Variants in PRR16 observed in about 807,000 individuals in gnomAD.
PRR16 encodes the protein protein Largen.
In PRR16, 6 loss-of-function variants were observed where a neutral mutation model predicts 18.2. That is an observed-to-expected ratio of 0.33 (90% CI 0.18 to 0.65). The LOEUF (loss-of-function observed/expected upper bound fraction) is 0.65. Ranked by LOEUF, PRR16 falls within the 30% of genes least tolerant of loss-of-function variation. The pLI, the probability that PRR16 is intolerant of heterozygous loss-of-function variation, is 0.74. For missense variants in PRR16, 412 were observed against 376.6 expected (o/e 1.09, Z -0.78); for synonymous variants, 151 against 147.8 (o/e 1.02, Z -0.16).
At chr5:120,621,630 C>A (rs1346600388) in intron 1 of PRR16, among the ~76,000 whole-genome samples, 1 of 152,092 alleles carries the variant, frequency 6.6e-6, no homozygotes, top group East Asian at 1.9e-4. Flanking sequence ...ATTATGGGGG[C>A]AGTTTCCCCA....
chr5:120,719,013 A>G, the PRR16 span, among the ~76,000 whole-genome samples: 2 of 152,050 alleles, frequency 1.3e-5, no homozygotes, highest in Non-Finnish European at 2.9e-5. Context: ...TAGAGGACAG[A>G]TATTATTTCT....
At chr5:120,657,364 T>A (rs1488533556) in intron 1 of PRR16, among the ~76,000 whole-genome samples, 2 of 151,912 alleles carry the variant, frequency 1.3e-5, no homozygotes, top group African/African-American at 4.8e-5. Flanking sequence ...AGCCAGCTCA[T>A]AGGGGGCTTG....
At chr5:120,499,171 G>T (rs912773734) in intron 1 of PRR16, among the ~76,000 whole-genome samples, 1 of 150,716 alleles carries the variant, frequency 6.6e-6, no homozygotes, top group African/African-American at 2.4e-5. Context: ...GTGCAATGGC[G>T]TGATCTCGGC....
At chr5:120,661,297 T>C (rs1403860546) in intron 1 of PRR16, among the ~76,000 whole-genome samples, 1 of 152,120 alleles carries the variant, frequency 6.6e-6, no homozygotes, top group African/African-American at 2.4e-5. Flanking sequence ...TCTCCTGTCT[T>C]TTGATGTTGC....
chr5:120,756,757 C>A, the PRR16 span, among the ~76,000 whole-genome samples: 1 of 151,890 alleles, frequency 6.6e-6, no homozygotes, highest in African/African-American at 2.4e-5. Flanking sequence ...GTGTTGACTG[C>A]ATTGATAGTT....
chr5:120,773,638 G>GTT, the PRR16 span, among the ~76,000 whole-genome samples: 6,703 of 151,602 alleles, frequency 0.044, 505 homozygotes, highest in African/African-American at 0.15. Flanking sequence ...TTCTATTTTT[G>GTT]TTTTTTTTGA....
At chr5:120,647,307 T>C (rs993662870) in intron 1 of PRR16, among the ~76,000 whole-genome samples, 1 of 151,956 alleles carries the variant, frequency 6.6e-6, no homozygotes, top group Non-Finnish European at 1.5e-5. Context: ...GGTATTATGA[T>C]GTCTTCCAAT....
At chr5:120,567,568 G>A (rs9327150) in intron 1 of PRR16, among the ~76,000 whole-genome samples, 32,103 of 152,052 alleles carry the variant, frequency 0.21, 3,547 homozygotes, top group Non-Finnish European at 0.21. Context: ...GTGATCTTCA[G>A]TGTTGGAGGA....
Position 120,646,039 on chromosome 5 carries a change from A to T in PRR16, c.160-39915A>T, listed in dbSNP as rs533526846. 6.4e-4 allele frequency among the ~76,000 whole-genome samples: 38 copies of T among 59,200 alleles called. No homozygotes were observed. The Admixed American group carries it at 7.0e-3, about 11-fold the overall frequency. The allele number at this position is 59,200 out of a possible 152,430, so 38.8% of individuals were successfully genotyped here. On this transcript the variant is annotated intron_variant, in intron 1 of 1. Transcript: ENST00000407149. ...AGATAAGCTCAAATTACAAAAAAAA[A>T]TACATATTTTATATATATATATATA... is the stretch of plus-strand genomic sequence containing the variant.
chr5:120,585,273 C>T (rs1753402004), intron 1 of PRR16, among the ~76,000 whole-genome samples: 1 of 152,040 alleles, frequency 6.6e-6, no homozygotes, highest in South Asian at 2.1e-4. Context: ...GAAAACTGAG[C>T]TGATTTGAAG....
intron 1 of PRR16, among the ~76,000 whole-genome samples, chr5:120,503,752 T>C (rs1472013226): frequency 6.6e-6 from 1 of 151,300 alleles, no homozygotes; most frequent in African/African-American, 2.4e-5. Flanking sequence ...ACTCGTCATT[T>C]AGCATTAGGT....
intron 1 of PRR16, among the ~76,000 whole-genome samples, chr5:120,488,032 C>T (rs1321405680): frequency 6.6e-6 from 1 of 152,162 alleles, no homozygotes; most frequent in Non-Finnish European, 1.5e-5. Context: ...TTTTCATGTG[C>T]TACTGTATTT....
intron 1 of PRR16, among the ~76,000 whole-genome samples, chr5:120,487,213 A>T (rs2112819672): frequency 6.6e-6 from 1 of 152,302 alleles, no homozygotes; most frequent in African/African-American, 2.4e-5. Context: ...TAGGGATGGC[A>T]TTGAATCTAT....
At chr5:120,572,332 T>C (rs1239489835) in intron 1 of PRR16, among the ~76,000 whole-genome samples, 2 of 152,188 alleles carry the variant, frequency 1.3e-5, no homozygotes, top group Admixed American at 6.5e-5. Context: ...AGTTGAATTT[T>C]AAGTGAACAT....
intron 1 of PRR16, among the ~76,000 whole-genome samples, chr5:120,611,285 T>C (rs1299293683): frequency 6.6e-6 from 1 of 152,060 alleles, no homozygotes; most frequent in Admixed American, 6.5e-5. Context: ...GAAAAGAAAA[T>C]CACATTTTCT....
At chr5:120,524,463 A>G (rs943114552) in intron 1 of PRR16, among the ~76,000 whole-genome samples, 1 of 152,096 alleles carries the variant, frequency 6.6e-6, no homozygotes, top group Non-Finnish European at 1.5e-5. Context: ...TGATATCCAA[A>G]CTATTATGTT....
At chr5:120,641,752 A>G (rs1044602379) in intron 1 of PRR16, among the ~76,000 whole-genome samples, 1 of 152,100 alleles carries the variant, frequency 6.6e-6, no homozygotes, top group Non-Finnish European at 1.5e-5. Context: ...CAAATCATCC[A>G]TATGCAGCTT....
the PRR16 span, among the ~76,000 whole-genome samples, chr5:120,738,295 TTAAATATTTCA>T: frequency 6.6e-6 from 1 of 152,092 alleles, no homozygotes; most frequent in Non-Finnish European, 1.5e-5. Flanking sequence ...TTGAATAAAG[TTAAATATTTCA>T]TTAAGTTGGA....
chr5:120,713,892 A>G, the PRR16 span, among the ~76,000 whole-genome samples: 1 of 152,176 alleles, frequency 6.6e-6, no homozygotes, highest in Non-Finnish European at 1.5e-5. Context: ...TTCATAAGCA[A>G]TCTTTTTCCA....
Sources: gnomAD v4.1 joint callset for allele counts (sites outside exome capture counted in the v4.1 genomes callset) on GRCh38, gnomAD v4.1.1 for gene constraint, MANE v1.5 for transcripts, NCBI Gene and HGNC (gene_info 2026-07-23, HGNC 2026-07-21) for gene names.